The following BACH2 variants were observed in gnomAD, a reference collection of about 807,000 sequenced individuals.
BACH2 encodes the protein BACH transcriptional regulator 2.
BACH2 carries 5 observed loss-of-function variants against 61.8 expected under a neutral mutation model. That is an observed-to-expected ratio of 0.08 (90% CI 0.04 to 0.17). BACH2 has a LOEUF of 0.17. Ranked by LOEUF, BACH2 falls within the 10% of genes least tolerant of loss-of-function variation. BACH2 has a pLI of 1.00. For missense variants in BACH2, 824 were observed against 1,091.1 expected, an observed-to-expected ratio of 0.76 and a Z score of 3.45; for synonymous variants, 446 against 440.1, an observed-to-expected ratio of 1.01 and a Z score of -0.17.
intron 4 of BACH2, among the ~76,000 whole-genome samples, chr6:90,181,425 G>A (rs1000745891): frequency 6.6e-6 from 1 of 151,952 alleles, no homozygotes; most frequent in Non-Finnish European, 1.5e-5. Context: ...AGGGAAAAGA[G>A]GAGGAGAGTG....
intron 5 of BACH2, among the ~76,000 whole-genome samples, chr6:90,010,302 A>G (rs1225507403): frequency 6.6e-6 from 1 of 152,206 alleles, no homozygotes; most frequent in Admixed American, 6.5e-5. Flanking sequence ...GCTTTCTGAC[A>G]TTCTATATTA....
At chr6:90,128,703 C>T (rs1462583974) in intron 4 of BACH2, among the ~76,000 whole-genome samples, 1 of 152,184 alleles carries the variant, frequency 6.6e-6, no homozygotes. Context: ...CCAGCAATCC[C>T]ATTACTGGGT....
chr6:90,151,249 G>A (rs1003544690), intron 4 of BACH2, among the ~76,000 whole-genome samples: 2 of 152,158 alleles, frequency 1.3e-5, no homozygotes, highest in African/African-American at 4.8e-5. Flanking sequence ...GAATCATTTC[G>A]TGTGTCCCTT....
intron 3 of BACH2, among the ~76,000 whole-genome samples, chr6:90,232,791 A>G (rs1240633963): frequency 6.6e-6 from 1 of 152,218 alleles, no homozygotes; most frequent in Non-Finnish European, 1.5e-5. Flanking sequence ...TAGCTGCCAA[A>G]AAGTTCAAAA....
intron 5 of BACH2, among the ~76,000 whole-genome samples, chr6:90,073,012 G>A (rs1360099915): frequency 1.3e-5 from 2 of 152,168 alleles, no homozygotes; most frequent in Admixed American, 6.5e-5. Flanking sequence ...CATTTACAAC[G>A]ATGAGAAGGA....
intron 3 of BACH2, among the ~76,000 whole-genome samples, chr6:90,221,553 C>T (rs891275961): frequency 6.6e-6 from 1 of 152,170 alleles, no homozygotes; most frequent in Non-Finnish European, 1.5e-5. Context: ...TAAGTTGCAG[C>T]CTTTCCCTTG....
At chr6:90,239,282 T>C (rs1770357391) in intron 3 of BACH2, among the ~76,000 whole-genome samples, 1 of 152,234 alleles carries the variant, frequency 6.6e-6, no homozygotes, top group Non-Finnish European at 1.5e-5. Flanking sequence ...GGGAATGTCC[T>C]GGCATTAAAC....
chr6:90,076,659 A>G (rs1357942472), intron 5 of BACH2, among the ~76,000 whole-genome samples: 4 of 152,116 alleles, frequency 2.6e-5, no homozygotes, highest in Non-Finnish European at 5.9e-5. Flanking sequence ...AATTTACTAG[A>G]GTGGAATTCC....
intron 4 of BACH2, among the ~76,000 whole-genome samples, chr6:90,103,029 A>ATATATATAT: frequency 6.1e-4 from 13 of 21,158 alleles, no homozygotes; most frequent in Admixed American, 9.0e-4. Context: ...ATATATATAT[A>ATATATATAT]TTTTTTTTTT....
intron 6 of BACH2, among the ~76,000 whole-genome samples, chr6:89,977,937 T>C (rs1298167727): frequency 6.6e-6 from 1 of 152,230 alleles, no homozygotes; most frequent in East Asian, 1.9e-4. Flanking sequence ...ATTTTCAGCT[T>C]GCATCAGCAG....
At chr6:90,145,852 A>G (rs751278570) in intron 4 of BACH2, among the ~76,000 whole-genome samples, 8 of 152,240 alleles carry the variant, frequency 5.3e-5, no homozygotes, top group Non-Finnish European at 1.2e-4. Context: ...AAGAGAAGAC[A>G]GTGTAGAAGG....
chr6:90,145,545 A>G (rs1413712898), intron 4 of BACH2, among the ~76,000 whole-genome samples: 4 of 152,244 alleles, frequency 2.6e-5, no homozygotes, highest in Admixed American at 6.5e-5. Flanking sequence ...AGTTTAAAAT[A>G]GGATCAAAGC....
intron 4 of BACH2, among the ~76,000 whole-genome samples, chr6:90,139,681 T>C (rs1161026646): frequency 6.6e-6 from 1 of 152,232 alleles, no homozygotes; most frequent in Non-Finnish European, 1.5e-5. Context: ...GTAAGCGTGA[T>C]TGTGTAACAG....
At chr6:90,065,704 C>T (rs984561813) in intron 5 of BACH2, among the ~76,000 whole-genome samples, 6 of 152,264 alleles carry the variant, frequency 3.9e-5, no homozygotes, top group Middle Eastern at 3.4e-3. Context: ...ATAGTAAATG[C>T]TTGTTGTTTT....
Position 89,950,119 on chromosome 6 carries a change from C to A in BACH2, c.1836+151G>T, listed in dbSNP as rs2128356625. ...GTTAATGTGGAATCACCTTCAGCAT[C>A]CTGCCTCTGTGGATGGGGAAGGCAG... On this transcript the variant is annotated intron_variant, in intron 7 of 8. Coordinates refer to ENST00000257749, the MANE Select transcript of BACH2 (RefSeq NM_021813.4). This position sits in a 1 kb window ranked among gnomAD's most constrained non-coding sequence, Gnocchi z 5.3. 2.3e-6 allele frequency: 2 copies of A among 880,396 alleles called. No individual in the cohort carries two copies. Among genetic ancestry groups the A allele is most frequent in the East Asian group, 5.0e-5 (2 of 39,878 alleles). 54.5% of individuals were successfully genotyped at this position (880,396 alleles called of 1,614,324 possible). A position where few individuals can be genotyped will look rare whatever the true frequency, so the allele number is the denominator to read the frequency against.
intron 5 of BACH2, among the ~76,000 whole-genome samples, chr6:90,056,032 G>T (rs575977938): frequency 6.6e-6 from 1 of 152,164 alleles, no homozygotes; most frequent in South Asian, 2.1e-4. Context: ...AAATTGTAAA[G>T]ACCATCAAGG....
chr6:90,201,056 T>C (rs1768940973), intron 4 of BACH2, among the ~76,000 whole-genome samples: 1 of 152,228 alleles, frequency 6.6e-6, no homozygotes, highest in South Asian at 2.1e-4. Flanking sequence ...AACATCTTTT[T>C]ATGTCACTCA....
At chr6:90,126,005 G>A (rs1250878466) in intron 4 of BACH2, among the ~76,000 whole-genome samples, 1 of 152,230 alleles carries the variant, frequency 6.6e-6, no homozygotes, top group African/African-American at 2.4e-5. Flanking sequence ...AGGAGGGCCG[G>A]CTGCAGGGAA....
chr6:90,138,117 T>C (rs916690105), intron 4 of BACH2, among the ~76,000 whole-genome samples: 1 of 152,224 alleles, frequency 6.6e-6, no homozygotes, highest in East Asian at 1.9e-4. Context: ...CTCTCTGATA[T>C]GTTTTCTCAT....
Sources: allele counts gnomAD v4.1 joint callset (sites outside exome capture counted in the v4.1 genomes callset), GRCh38; gene constraint gnomAD v4.1.1; non-coding constraint Gnocchi (gnomAD v3.1); transcripts MANE v1.5; gene names NCBI Gene and HGNC (gene_info 2026-07-23, HGNC 2026-07-21).